IGSF10: variants seen among roughly 807,000 people sequenced by gnomAD.
IGSF10 encodes the protein calvaria mechanical force protein 608.
In IGSF10, 126 loss-of-function variants were observed where a neutral mutation model predicts 128.2. That is an observed-to-expected ratio of 0.98 (90% confidence interval 0.85 to 1.14). IGSF10 has a LOEUF of 1.14. IGSF10 is among the 50% of genes most tolerant of loss of function. IGSF10 has a pLI of 0.00. For synonymous variants in IGSF10, 1,185 were observed against 1,146.2 expected (o/e 1.03, Z -0.68); for missense variants, 3,295 against 3,149.8 (o/e 1.05, Z -1.10).
intron 5 of IGSF10, among the ~76,000 whole-genome samples, chr3:151,450,781 A>G (rs767297520): frequency 1.3e-5 from 2 of 151,122 alleles, no homozygotes; most frequent in Admixed American, 6.6e-5. Flanking sequence ...CTATAATCCC[A>G]GCTGCTCGGG....
intron 7 of IGSF10, among the ~76,000 whole-genome samples, chr3:151,441,875 C>A (rs1314357069): frequency 6.6e-6 from 1 of 152,126 alleles, no homozygotes; most frequent in Non-Finnish European, 1.5e-5. Context: ...TCCTGGCTAA[C>A]ATGGTGAAAC....
intron 1 of IGSF10, 108 bp from the exon 2 acceptor site, chr3:151,460,455 C>T (rs1302704381): frequency 6.0e-6 from 1 of 167,278 alleles, no homozygotes; most frequent in African/African-American, 2.4e-5. Flanking sequence ...GCTTCCACAG[C>T]TTCAAAGTTC....
chr3:151,601,197 A>G, the IGSF10 span, among the ~76,000 whole-genome samples: 2 of 152,156 alleles, frequency 1.3e-5, no homozygotes, highest in Non-Finnish European at 2.9e-5. Context: ...CCTATTGAAT[A>G]ATCAATTACT....
chr3:151,478,366 G>A, the IGSF10 span, among the ~76,000 whole-genome samples: 1 of 152,184 alleles, frequency 6.6e-6, no homozygotes, highest in Non-Finnish European at 1.5e-5. Flanking sequence ...CAGTTTAAGG[G>A]TTTTCTTTCA....
intron 4 of IGSF10, among the ~76,000 whole-genome samples, chr3:151,455,858 C>G (rs1188914065): frequency 6.6e-6 from 1 of 152,216 alleles, no homozygotes; most frequent in Non-Finnish European, 1.5e-5. Context: ...AACATACTCT[C>G]TCCCATAAAG....
chr3:151,511,154 C>T, the IGSF10 span, among the ~76,000 whole-genome samples: 1 of 152,070 alleles, frequency 6.6e-6, no homozygotes, highest in Non-Finnish European at 1.5e-5. Context: ...CTCCAAGACA[C>T]ATAATTGTCA....
chr3:151,595,308 T>C, the IGSF10 span, among the ~76,000 whole-genome samples: 2 of 152,030 alleles, frequency 1.3e-5, no homozygotes, highest in Admixed American at 1.3e-4. Flanking sequence ...CACAGAGATA[T>C]CTTCACTACC....
the IGSF10 span, among the ~76,000 whole-genome samples, chr3:151,482,015 C>T: frequency 1.6e-4 from 24 of 152,102 alleles, no homozygotes; most frequent in South Asian, 4.2e-4. Context: ...CCTGCCCAAC[C>T]GACACCCTCA....
chr3:151,449,625 C>A (rs1033276929), intron 5 of IGSF10, among the ~76,000 whole-genome samples: 7 of 152,124 alleles, frequency 4.6e-5, no homozygotes, highest in Non-Finnish European at 7.4e-5. Context: ...TTATTAATAA[C>A]AGTTTAGTTC....
the IGSF10 span, among the ~76,000 whole-genome samples, chr3:151,466,973 T>C: frequency 6.6e-6 from 1 of 152,122 alleles, no homozygotes; most frequent in African/African-American, 2.4e-5. Flanking sequence ...AAATTGTGTA[T>C]TTGTGAGGCA....
At position 151,436,685 on chromosome 3, in the gene IGSF10, C is replaced by T; in HGVS notation, c.*4G>A. On this transcript the variant is annotated 3_prime_UTR_variant, in exon 8 of 8. Coordinates refer to ENST00000282466, the MANE Select transcript of IGSF10 (RefSeq NM_178822.5). ...CCAGATGTTGTTGACTTTATTATTT[C>T]ATGTCAGATTACTTGAATATACGTT... The T allele has an allele frequency of 6.4e-7, 1 of 1,570,464 alleles. No homozygotes were observed. Among genetic ancestry groups the T allele is most frequent in the Non-Finnish European group, 8.6e-7 (1 of 1,157,674 alleles).
chr3:151,454,113 T>G (rs34801310), intron 4 of IGSF10, among the ~76,000 whole-genome samples: 105,933 of 150,564 alleles, frequency 0.7, 37,370 homozygotes, highest in Middle Eastern at 0.84. Flanking sequence ...CGCCTCCTGG[T>G]TTGAAGCGAT....
the IGSF10 span, among the ~76,000 whole-genome samples, chr3:151,510,652 G>T: frequency 6.6e-6 from 1 of 152,088 alleles, no homozygotes. Context: ...GGCTTCAGAA[G>T]ATCAAACTAC....
the IGSF10 span, among the ~76,000 whole-genome samples, chr3:151,560,708 C>T: frequency 1.0e-3 from 155 of 151,808 alleles, 1 homozygote; most frequent in African/African-American, 3.5e-3. Context: ...CATAGCCCCC[C>T]CCTCCGTCCC....
chr3:151,441,166 ATCCC>A (rs1257283683), intron 7 of IGSF10, among the ~76,000 whole-genome samples: 1 of 152,230 alleles, frequency 6.6e-6, no homozygotes, highest in Non-Finnish European at 1.5e-5. Context: ...TTAGAGTGAT[ATCCC>A]CTGCACCCAA....
chr3:151,477,876 A>C, the IGSF10 span, among the ~76,000 whole-genome samples: 1 of 152,200 alleles, frequency 6.6e-6, no homozygotes, highest in Non-Finnish European at 1.5e-5. Context: ...GCCATAGATA[A>C]TATGTAAACA....
chr3:151,477,589 T>C, the IGSF10 span, among the ~76,000 whole-genome samples: 1 of 152,216 alleles, frequency 6.6e-6, no homozygotes, highest in Non-Finnish European at 1.5e-5. Flanking sequence ...ATTAGGAAAT[T>C]ATGAGAGAAC....
At chr3:151,539,336 G>A in the IGSF10 span, among the ~76,000 whole-genome samples, 1 of 152,074 alleles carries the variant, frequency 6.6e-6, no homozygotes, top group Non-Finnish European at 1.5e-5. Flanking sequence ...GGGAAGAGAG[G>A]AGCTAGCTAT....
the IGSF10 span, among the ~76,000 whole-genome samples, chr3:151,492,935 T>C: frequency 8.2e-4 from 125 of 151,812 alleles, 1 homozygote; most frequent in Non-Finnish European, 1.4e-3. Flanking sequence ...TATGTATATG[T>C]ATGCCTATAT....
Sources: gnomAD v4.1 joint callset for allele counts (sites outside exome capture counted in the v4.1 genomes callset) on GRCh38, gnomAD v4.1.1 for gene constraint, MANE v1.5 for transcripts, NCBI Gene and HGNC (gene_info 2026-07-23, HGNC 2026-07-21) for gene names.